NUP210: variants seen among roughly 807,000 people sequenced by gnomAD.
The protein encoded by NUP210 is nuclear pore membrane glycoprotein 210.
NUP210 carries 151 observed loss-of-function variants against 196.0 expected under a neutral mutation model. The observed-to-expected ratio is 0.77, with a 90% CI of 0.67 to 0.88. The LOEUF (loss-of-function observed/expected upper bound fraction) is 0.88, where lower values mean the gene tolerates loss of function less well. Among genes scored for constraint, NUP210 ranks in the 40% least tolerant of loss-of-function variants. NUP210 has a pLI of 0.00. For missense variants in NUP210, 2,314 were observed against 2,493.7 expected, an observed-to-expected ratio of 0.93 and a Z score of 1.53; for synonymous variants, 1,070 against 1,052.7, an observed-to-expected ratio of 1.02 and a Z score of -0.32.
At chr3:13,357,398 T>C (rs1010061213) in intron 16 of NUP210, among the ~76,000 whole-genome samples, 18 of 152,326 alleles carry the variant, frequency 1.2e-4, no homozygotes, top group Admixed American at 1.3e-4. Context: ...CTCTGATCCA[T>C]CTTATTTGTG....
chr3:13,349,285 G>A (rs997269291), intron 20 of NUP210, among the ~76,000 whole-genome samples: 7 of 152,190 alleles, frequency 4.6e-5, no homozygotes, highest in African/African-American at 1.7e-4. Context: ...CCCAGCTCTC[G>A]GTCAGGTGAT....
intron 27 of NUP210, 84 bp from the exon 28 acceptor site, chr3:13,335,696 A>T (rs1402228608): frequency 6.8e-7 from 1 of 1,464,282 alleles, no homozygotes; most frequent in Non-Finnish European, 9.3e-7. Flanking sequence ...GTAGCCCCAG[A>T]CCCCCCAGCC....
chr3:13,316,754 T>G lies in NUP210; in HGVS notation c.*927A>C, dbSNP rs1576332228. ...TCACACTGGCAGGCGGTGGCTCAGA[T>G]CTGCTGAGGTTCTGGAGTGGCACAG... On this transcript the variant is annotated 3_prime_UTR_variant, in exon 40 of 40. Transcript: ENST00000254508. 6.6e-6 allele frequency: 1 copy of G among 152,414 alleles called. No homozygotes were observed. Among genetic ancestry groups the G allele is most frequent in the African/African-American group, 2.4e-5 (1 of 41,594 alleles). 9.4% of individuals were successfully genotyped at this position (152,414 alleles called of 1,614,324 possible). A position where few individuals can be genotyped will look rare whatever the true frequency, so the allele number is the denominator to read the frequency against.
Position 13,407,995 on chromosome 3 carries a change from G to T in NUP210, c.168-8134C>A, listed in dbSNP as rs78817288. On this transcript the variant is annotated intron_variant, in intron 1 of 39. Coordinates refer to ENST00000254508, the MANE Select transcript of NUP210 (RefSeq NM_024923.4). ...GCTAAGGACAGATAAAATGCTGGGA[G>T]GGCCAGGGCTGCCATCTTCCATGGA... is the stretch of plus-strand genomic sequence containing the variant. Among the ~76,000 whole-genome samples, 10 of 152,232 alleles carry T rather than the reference G, an allele frequency of 6.6e-5. No individual in the cohort carries two copies. In the East Asian group the frequency reaches 1.9e-3, roughly 29 times the overall value.
In NUP210 at chr3:13,376,180, G is replaced by C. The variant is rs1383902435; in HGVS notation, c.1293+111C>G. Reference sequence around the variant, plus strand: ...TGCAAGTAGCCCAAACAGGAAAAGGGATGCAGGTGGCCCAACTCCCTGGGA... The same window carrying C: ...TGCAAGTAGCCCAAACAGGAAAAGGCATGCAGGTGGCCCAACTCCCTGGGA... On this transcript the variant is annotated intron_variant, in intron 10 of 39. Coordinates refer to ENST00000254508, the MANE Select transcript of NUP210 (RefSeq NM_024923.4). The C allele has an allele frequency of 2.9e-6, 3 of 1,052,114 alleles. No individual in the cohort carries two copies. In the African/African-American group the frequency reaches 4.7e-5, roughly 17 times the overall value. The allele number at this position is 1,052,114 out of a possible 1,614,324, so 65.2% of individuals were successfully genotyped here. A position where few individuals can be genotyped will look rare whatever the true frequency, so the allele number is the denominator to read the frequency against.
intron 6 of NUP210, among the ~76,000 whole-genome samples, chr3:13,383,152 C>A (rs1049014659): frequency 6.6e-6 from 1 of 152,100 alleles, no homozygotes; most frequent in Non-Finnish European, 1.5e-5. Flanking sequence ...CTCAAAAAAA[C>A]CCCAAAATAA....
intron 14 of NUP210, among the ~76,000 whole-genome samples, chr3:13,362,154 A>C (rs1283283903): frequency 6.6e-6 from 1 of 152,028 alleles, no homozygotes; most frequent in Non-Finnish European, 1.5e-5. Context: ...CTGTGGCATG[A>C]TCTTAACCAC....
chr3:13,381,422 T>TC (rs1477675233), intron 6 of NUP210, among the ~76,000 whole-genome samples: 6 of 143,944 alleles, frequency 4.2e-5, no homozygotes, highest in South Asian at 2.2e-4. Flanking sequence ...TTTCTTTTCT[T>TC]TTTTTTTTTT....
At chr3:13,366,285 C>T (rs755010862) in intron 13 of NUP210, among the ~76,000 whole-genome samples, 194 bp from the exon 14 acceptor site, 1 of 152,074 alleles carries the variant, frequency 6.6e-6, no homozygotes, top group Non-Finnish European at 1.5e-5. Context: ...TGGACCACTA[C>T]ACCCGGCTAA....
At chr3:13,400,389 T>C (rs911135144) in intron 1 of NUP210, among the ~76,000 whole-genome samples, 1 of 152,160 alleles carries the variant, frequency 6.6e-6, no homozygotes, top group African/African-American at 2.4e-5. Flanking sequence ...TCCCAGTGCC[T>C]GCGGAGCGGA....
At chr3:13,335,717 G>T in intron 27 of NUP210, 105 bp from the exon 28 acceptor site, 2 of 1,276,940 alleles carry the variant, frequency 1.6e-6, no homozygotes, top group Non-Finnish European at 2.2e-6. Context: ...CCCCAGTCCT[G>T]GTAGCTGCTG....
At chr3:13,407,321 G>C (rs1245263297) in intron 1 of NUP210, among the ~76,000 whole-genome samples, 1 of 152,144 alleles carries the variant, frequency 6.6e-6, no homozygotes, top group Non-Finnish European at 1.5e-5. Context: ...AGGATGGCTT[G>C]AGCCCAGGAG....
chr3:13,349,437 G>A (rs1423695525), intron 20 of NUP210, among the ~76,000 whole-genome samples: 1 of 152,230 alleles, frequency 6.6e-6, no homozygotes, highest in African/African-American at 2.4e-5. Context: ...GTGGGATGGA[G>A]GCTCTGCCTT....
rs777403133 is a variant in NUP210, at chr3:13,320,025, G to A, written c.5167-46C>T. The stretch of plus-strand genomic sequence containing the variant: ...GGGGGTGCACATTCTGCAGAGTGGG[G>A]GGACCACTGAGCGGGGCCTCAGGAC... On this transcript the variant is annotated intron_variant, in intron 36 of 39. Coordinates refer to ENST00000254508, the MANE Select transcript of NUP210 (RefSeq NM_024923.4). 123 of 1,565,566 alleles carry A rather than the reference G, an allele frequency of 7.9e-5. 1 individual carries two copies. The South Asian group carries it at 1.3e-3, about 17-fold the overall frequency.
At chr3:13,322,158 C>T (rs1286255892) in intron 35 of NUP210, 35 bp downstream of exon 35, 2 of 1,611,476 alleles carry the variant, frequency 1.2e-6, no homozygotes, top group African/African-American at 1.3e-5. Flanking sequence ...GAGACTGTCT[C>T]CAAGTCCCTT....
At chr3:13,367,454 T>C (rs925241861) in intron 13 of NUP210, among the ~76,000 whole-genome samples, 2 of 152,024 alleles carry the variant, frequency 1.3e-5, no homozygotes, top group African/African-American at 4.8e-5. Flanking sequence ...ATAAATAATA[T>C]TTAATTCACA....
chr3:13,419,953 C>G, intron 1 of NUP210, 107 bp downstream of exon 1: 1 of 692,542 alleles, frequency 1.4e-6, no homozygotes, highest in Non-Finnish European at 1.8e-6. Flanking sequence ...AGCGAGAGCG[C>G]GCCGCGCACC....
intron 1 of NUP210, among the ~76,000 whole-genome samples, chr3:13,406,882 C>G (rs190026415): frequency 7.5e-6 from 1 of 134,146 alleles, no homozygotes; most frequent in African/African-American, 2.7e-5. Flanking sequence ...GTTTCATAGT[C>G]GGGAGTGGTG....
intron 32 of NUP210, among the ~76,000 whole-genome samples, chr3:13,326,856 AG>A (rs1696777814): frequency 6.6e-6 from 1 of 152,274 alleles, no homozygotes; most frequent in Admixed American, 6.5e-5. Context: ...CCGACTTGGC[AG>A]AGCTGTTCCA....
Sources: gnomAD v4.1 joint callset for allele counts (sites outside exome capture counted in the v4.1 genomes callset) on GRCh38, gnomAD v4.1.1 for gene constraint, MANE v1.5 for transcripts, NCBI Gene and HGNC (gene_info 2026-07-23, HGNC 2026-07-21) for gene names.